Variants in NR2C2 observed in about 807,000 individuals in gnomAD.
The protein encoded by NR2C2 is Nuclear hormone receptor TR4.
A neutral mutation model predicts 62.9 loss-of-function variants in NR2C2; 6 were observed. The observed-to-expected ratio is 0.10, with a 90% CI of 0.05 to 0.19. The LOEUF is 0.19. Among genes scored for constraint, NR2C2 ranks in the 10% least tolerant of loss-of-function variants. The pLI, the probability that NR2C2 is intolerant of heterozygous loss-of-function variation, is 1.00. For missense variants in NR2C2, 479 were observed against 762.7 expected, an observed-to-expected ratio of 0.63 and a Z score of 4.38; for synonymous variants, 272 against 273.8, an observed-to-expected ratio of 0.99 and a Z score of 0.07.
At chr3:14,996,813 C>G (rs552777716) in intron 1 of NR2C2, among the ~76,000 whole-genome samples, 20 of 152,302 alleles carry the variant, frequency 1.3e-4, no homozygotes, top group African/African-American at 4.1e-4. Flanking sequence ...CCGCCCGCCT[C>G]GGCCTCCCAA....
chr3:14,994,640 A>T (rs1162531525), intron 1 of NR2C2, among the ~76,000 whole-genome samples: 1 of 150,568 alleles, frequency 6.6e-6, no homozygotes, highest in Non-Finnish European at 1.5e-5. Flanking sequence ...GTGGGGTTTC[A>T]CCATGTTGGC....
At chr3:14,949,364 C>T (rs112413566) in intron 1 of NR2C2, among the ~76,000 whole-genome samples, 3 of 152,334 alleles carry the variant, frequency 2.0e-5, no homozygotes, top group African/African-American at 7.2e-5. Flanking sequence ...GACAGGACAT[C>T]CCGTGTAACG....
chr3:15,006,605 A>G (rs1377111583), intron 2 of NR2C2, among the ~76,000 whole-genome samples: 1 of 152,092 alleles, frequency 6.6e-6, no homozygotes, highest in Non-Finnish European at 1.5e-5. Context: ...CCAAACTCGC[A>G]GCAGGGCCGT....
At chr3:15,034,207 G>C (rs1423976603) in intron 10 of NR2C2, 1 of 152,726 alleles carries the variant, frequency 6.5e-6, no homozygotes, top group African/African-American at 2.4e-5. Context: ...CTTCAGTCTC[G>C]GATCCAGCAC....
chr3:15,023,577 T>G (rs1162550198), intron 6 of NR2C2, among the ~76,000 whole-genome samples: 2 of 152,232 alleles, frequency 1.3e-5, no homozygotes, highest in African/African-American at 4.8e-5. Flanking sequence ...TCAGATTATG[T>G]CCTGCAATTT....
intron 1 of NR2C2, among the ~76,000 whole-genome samples, chr3:14,995,074 G>A (rs1389172413): frequency 2.1e-5 from 3 of 142,264 alleles, no homozygotes; most frequent in African/African-American, 5.3e-5. Context: ...TTGACCCTCC[G>A]GTCGAGTTGA....
intron 13 of NR2C2, among the ~76,000 whole-genome samples, chr3:15,041,891 C>T (rs761267965): frequency 6.6e-6 from 1 of 152,118 alleles, no homozygotes; most frequent in East Asian, 1.9e-4. Flanking sequence ...TGTCCAGATA[C>T]CTACTATTAA....
intron 1 of NR2C2, among the ~76,000 whole-genome samples, chr3:14,988,944 T>G (rs1325698307): frequency 6.6e-6 from 1 of 152,222 alleles, no homozygotes; most frequent in African/African-American, 2.4e-5. Context: ...AATGTTTTCT[T>G]TCAGCCTCCT....
chr3:15,036,873 G>A (rs1252964836), intron 11 of NR2C2, among the ~76,000 whole-genome samples: 9 of 152,202 alleles, frequency 5.9e-5, no homozygotes, highest in Non-Finnish European at 8.8e-5. Context: ...TGTAATCCCA[G>A]CACTTTGGGA....
chr3:14,968,962 A>G (rs1281872118), intron 1 of NR2C2, among the ~76,000 whole-genome samples: 2 of 142,914 alleles, frequency 1.4e-5, no homozygotes, highest in Admixed American at 7.2e-5. Context: ...AGGAAGGGGG[A>G]ACATCACACT....
In NR2C2 at chr3:15,030,401, C is replaced by G; in HGVS notation, c.1059C>G (p.Pro353=). The change falls in exon 9 of 14, where the codon CCC becomes CCG. Residue 353 remains proline, a synonymous_variant. Transcript: ENST00000425241. Reference sequence around the variant, plus strand: ...TCATCAGCAGAGACCAGTCGACACCCATCATTGAGGTTGAAGGCCCCCTCC... The same window carrying G: ...TCATCAGCAGAGACCAGTCGACACCGATCATTGAGGTTGAAGGCCCCCTCC... ...IHVISRDQST[P]IIEVEGPLLS... 6.2e-7 allele frequency: 1 copy of G among 1,609,930 alleles called. No individual in the cohort carries two copies. The highest frequency in any genetic ancestry group is 8.5e-7 in the Non-Finnish European group (1 of 1,178,766).
chr3:14,965,585 A>G (rs1015067797), intron 1 of NR2C2, among the ~76,000 whole-genome samples: 2 of 149,382 alleles, frequency 1.3e-5, no homozygotes, highest in African/African-American at 4.9e-5. Context: ...GTCAGTCTCA[A>G]TTTTGAGTGC....
rs552267963 is a variant in NR2C2 at position 14,955,925 on chromosome 3, C to T, written c.-40+8019C>T. 2.6e-5 allele frequency among the ~76,000 whole-genome samples: 4 copies of T among 152,304 alleles called. No homozygotes were observed. The South Asian group carries it at 8.3e-4, about 32-fold the overall frequency. ...AACTTCATTTATGTGAAAGCCACTT[C>T]TCTTCCCTACTAGTCACTCACCCAG... is the stretch of plus-strand genomic sequence containing the variant. On this transcript the variant is annotated intron_variant, in intron 1 of 13. Transcript: ENST00000425241.
At chr3:14,976,113 G>T (rs1212365455) in intron 1 of NR2C2, among the ~76,000 whole-genome samples, 2 of 152,074 alleles carry the variant, frequency 1.3e-5, no homozygotes, top group African/African-American at 4.8e-5. Flanking sequence ...CTGGTAGGTT[G>T]TGTGTTTCTG....
rs200283668 is a variant in NR2C2, at chr3:14,953,370, CCT to C, written c.-40+5465_-40+5466del. On this transcript the variant is annotated intron_variant, in intron 1 of 13. Coordinates refer to ENST00000425241, the MANE Select transcript of NR2C2 (RefSeq NM_001291694.2). Reference sequence around the variant, plus strand: ...CCCAAGTGTAAAAGAATATTTCCCCCCTGTTTGCGTTAGTGAGAGGTGTGAGA... The same window carrying C: ...CCCAAGTGTAAAAGAATATTTCCCCCGTTTGCGTTAGTGAGAGGTGTGAGA... Among the ~76,000 whole-genome samples the C allele has an allele frequency of 1.3e-3, 199 of 152,226 alleles. 1 individual carries two copies. In the East Asian group the frequency reaches 0.029, roughly 22 times the overall value.
intron 1 of NR2C2, among the ~76,000 whole-genome samples, chr3:14,949,152 A>G (rs187548335): frequency 6.6e-6 from 1 of 152,338 alleles, no homozygotes; most frequent in Non-Finnish European, 1.5e-5. Flanking sequence ...CCAGCTGTAC[A>G]AGACCCCTGC....
rs1027383369 is a variant in NR2C2, at chr3:15,048,669, G to C, written c.*5661G>C. On this transcript the variant is annotated 3_prime_UTR_variant, in exon 14 of 14. Coordinates refer to ENST00000425241, the MANE Select transcript of NR2C2 (RefSeq NM_001291694.2). ...GACCATAGCATTCATGGACTCAAAT[G>C]CTGCTGCCACACACAACTCAAGTGC... The C allele has an allele frequency of 1.3e-5, 2 of 152,638 alleles. No homozygotes were observed. Among genetic ancestry groups the C allele is most frequent in the African/African-American group, 4.8e-5 (2 of 41,446 alleles). The allele number at this position is 152,638 out of a possible 1,614,324, so 9.5% of individuals were successfully genotyped here.
At chr3:15,019,663 A>C (rs1234742448) in intron 4 of NR2C2, among the ~76,000 whole-genome samples, 1 of 152,202 alleles carries the variant, frequency 6.6e-6, no homozygotes, top group Non-Finnish European at 1.5e-5. Flanking sequence ...CAGACACAGA[A>C]AGACAAATAC....
chr3:15,046,665 T>C lies in NR2C2; in HGVS notation c.*3657T>C, dbSNP rs1457983677. On this transcript the variant is annotated 3_prime_UTR_variant, in exon 14 of 14. Transcript: ENST00000425241. ...GCCCACTTTCCAGTGTAAATGACTT[T>C]ATGTGCAATGGGGTCATAGGTAACA... 6.6e-6 allele frequency: 1 copy of C among 152,408 alleles called. No individual in the cohort carries two copies. Among genetic ancestry groups the C allele is most frequent in the Non-Finnish European group, 1.5e-5 (1 of 68,072 alleles). The allele number at this position is 152,408 out of a possible 1,614,324, so 9.4% of individuals were successfully genotyped here. A position where few individuals can be genotyped will look rare whatever the true frequency, so the allele number is the denominator to read the frequency against.
Sources: gnomAD v4.1 joint callset for allele counts (sites outside exome capture counted in the v4.1 genomes callset) on GRCh38, gnomAD v4.1.1 for gene constraint, MANE v1.5 for transcripts, NCBI Gene and HGNC (gene_info 2026-07-23, HGNC 2026-07-21) for gene names.